The following EZH2 variants were observed in gnomAD, a reference collection of about 807,000 sequenced individuals.
The protein encoded by EZH2 is histone-lysine N-methyltransferase EZH2.
A neutral mutation model predicts 98.4 loss-of-function variants in EZH2; 18 were observed. The ratio of observed to expected loss-of-function variants is 0.18; its 90% CI spans 0.13 to 0.27. EZH2 has a LOEUF of 0.27. EZH2 is among the 10% of genes least tolerant of loss of function. The probability of loss-of-function intolerance (pLI) is 1.00; values close to 1 mark genes in which losing one functional copy is unlikely to be tolerated. For synonymous variants in EZH2, 338 were observed against 312.3 expected, an observed-to-expected ratio of 1.08 and a Z score of -0.87; for missense variants, 470 against 935.1, an observed-to-expected ratio of 0.50 and a Z score of 6.49.
chr7:148,822,110 AT>A (rs1806285360), intron 8 of EZH2, among the ~76,000 whole-genome samples: 2 of 152,156 alleles, frequency 1.3e-5, no homozygotes, highest in South Asian at 4.1e-4. Context: ...TGGATCAAAG[AT>A]TTATGTTTTT....
chr7:148,831,961 A>G (rs779370702), intron 4 of EZH2, among the ~76,000 whole-genome samples: 7 of 152,264 alleles, frequency 4.6e-5, no homozygotes, highest in Non-Finnish European at 7.3e-5. Context: ...ATTTTACACC[A>G]TAATGTACAT....
intron 1 of EZH2, among the ~76,000 whole-genome samples, chr7:148,873,491 C>CA (rs1162280467): frequency 0.11 from 6,215 of 58,158 alleles, 628 homozygotes; most frequent in African/African-American, 0.26. Context: ...GACTCTGTCT[C>CA]AAAAAAAAAA....
At chr7:148,852,766 G>T (rs1029256481) in intron 1 of EZH2, among the ~76,000 whole-genome samples, 2 of 152,118 alleles carry the variant, frequency 1.3e-5, no homozygotes, top group Non-Finnish European at 2.9e-5. Context: ...CCAAATTTCG[G>T]AACTATTCAG....
chr7:148,836,548 G>C lies in EZH2; in HGVS notation c.247-3798C>G, dbSNP rs150317125. The stretch of plus-strand genomic sequence containing the variant: ...CTCATGTCACTCAGAGTAGTGAAAA[G>C]AATTTTTACCTCATGGGTCTCCACA... On this transcript the variant is annotated intron_variant, in intron 3 of 19. Coordinates refer to ENST00000320356, the MANE Select transcript of EZH2 (RefSeq NM_004456.5). Among the ~76,000 whole-genome samples the C allele has an allele frequency of 1.5e-3, 224 of 152,294 alleles. 2 individuals carry two copies. Among genetic ancestry groups the C allele is most frequent in the African/African-American group, 5.2e-3 (216 of 41,566 alleles).
At chr7:148,811,549 C>T in intron 16 of EZH2, 76 bp downstream of exon 16, 1 of 1,166,224 alleles carries the variant, frequency 8.6e-7, no homozygotes, top group South Asian at 1.4e-5. Context: ...CACAGACTTA[C>T]CTAATAAAAT....
At chr7:148,880,820 T>C (rs917170276) in intron 1 of EZH2, among the ~76,000 whole-genome samples, 2 of 152,158 alleles carry the variant, frequency 1.3e-5, no homozygotes, top group African/African-American at 4.8e-5. Context: ...CCAACGTAGG[T>C]ACTAGGTATA....
At chr7:148,870,283 G>GTT (rs1819161009) in intron 1 of EZH2, among the ~76,000 whole-genome samples, 1 of 152,160 alleles carries the variant, frequency 6.6e-6, no homozygotes, top group Admixed American at 6.5e-5. Context: ...CCAAAATGGG[G>GTT]TTTACAAATA....
At chr7:148,835,973 G>T (rs775623898) in intron 3 of EZH2, among the ~76,000 whole-genome samples, 4 of 152,148 alleles carry the variant, frequency 2.6e-5, no homozygotes, top group Non-Finnish European at 4.4e-5. Flanking sequence ...TAAGGCACAG[G>T]CTGCAGCACT....
At chr7:148,867,753 A>G (rs1818750224) in intron 1 of EZH2, among the ~76,000 whole-genome samples, 1 of 152,184 alleles carries the variant, frequency 6.6e-6, no homozygotes, top group Admixed American at 6.5e-5. Context: ...TTTAAATTTA[A>G]GTTCCAGTTT....
At chr7:148,832,479 T>C (rs1219450534) in intron 4 of EZH2, among the ~76,000 whole-genome samples, 155 bp downstream of exon 4, 1 of 152,250 alleles carries the variant, frequency 6.6e-6, no homozygotes, top group African/African-American at 2.4e-5. Flanking sequence ...TTAAAAAAAC[T>C]ACCTTAATCA....
Position 148,809,097 on chromosome 7 carries a change from A to T in EZH2, c.2169T>A (p.Thr723=). The T allele has an allele frequency of 6.2e-7, 1 of 1,614,228 alleles. No homozygotes were observed. The highest frequency in any genetic ancestry group is 1.6e-4 in the Middle Eastern group (1 of 6,062). ...IGIFAKRAIQ[T]GEELFFDYRY... ...TGTAATCAAAAAACAGCTCTTCGCC[A>T]GTCTGGATGGCTCTCTTGGCAAAAA... Residue 723 remains threonine (T), a synonymous_variant, in exon 19 of 20, where the codon ACT becomes ACA. Coordinates refer to ENST00000320356, the MANE Select transcript of EZH2 (RefSeq NM_004456.5).
At chr7:148,839,603 C>G (rs1811909376) in intron 3 of EZH2, among the ~76,000 whole-genome samples, 1 of 151,128 alleles carries the variant, frequency 6.6e-6, no homozygotes, top group Non-Finnish European at 1.5e-5. Context: ...GAGATTGAGT[C>G]TTGTGATCTC....
At chr7:148,818,955 C>A in intron 9 of EZH2, 1 of 433,696 alleles carries the variant, frequency 2.3e-6, no homozygotes, top group African/African-American at 2.0e-5. Flanking sequence ...CTACAAAAAC[C>A]AAATTGCTTA....
intron 9 of EZH2, 152 bp downstream of exon 9, chr7:148,819,444 T>A: frequency 1.6e-6 from 1 of 629,606 alleles, no homozygotes; most frequent in Non-Finnish European, 2.8e-6. Context: ...GTACATGAGC[T>A]ATGGAAGAAA....
intron 1 of EZH2, among the ~76,000 whole-genome samples, chr7:148,863,989 T>C (rs557886270): frequency 6.0e-4 from 92 of 152,316 alleles, no homozygotes; most frequent in African/African-American, 1.2e-3. Context: ...AGTCTCATGA[T>C]AGGGGAAAAT....
chr7:148,822,656 A>T (rs1050803969), intron 8 of EZH2, among the ~76,000 whole-genome samples: 4 of 152,030 alleles, frequency 2.6e-5, no homozygotes, highest in African/African-American at 9.7e-5. Flanking sequence ...CAAGAATAAA[A>T]ATAGGCCAGG....
chr7:148,818,190 T>G, intron 9 of EZH2, 73 bp from the exon 10 acceptor site: 1 of 1,460,608 alleles, frequency 6.8e-7, no homozygotes, highest in Non-Finnish European at 9.2e-7. Context: ...AAAAAAATAC[T>G]ATATAAGCCA....
chr7:148,809,161 A>G lies in EZH2; in HGVS notation c.2111-6T>C, dbSNP rs1802356752. On this transcript the variant is annotated splice_polypyrimidine_tract_variant and splice_region_variant and intron_variant, in intron 18 of 19. Transcript: ENST00000320356. ...ATCACCGTTAACCATCATAACTGCA[A>G]AGAGACACACTGGTGTCAGTGAGCA... 1.2e-6 allele frequency: 2 copies of G among 1,613,990 alleles called. No homozygotes were observed. Among genetic ancestry groups the G allele is most frequent in the Admixed American group, 1.7e-5 (1 of 60,030 alleles).
At chr7:148,834,217 T>C (rs865799174) in intron 3 of EZH2, among the ~76,000 whole-genome samples, 1 of 152,092 alleles carries the variant, frequency 6.6e-6, no homozygotes, top group African/African-American at 2.4e-5. Flanking sequence ...TAAAGAGTAC[T>C]ACTGCCCAGG....
Sources: allele counts gnomAD v4.1 joint callset (sites outside exome capture counted in the v4.1 genomes callset), GRCh38; gene constraint gnomAD v4.1.1; transcripts MANE v1.5; gene names NCBI Gene and HGNC (gene_info 2026-07-23, HGNC 2026-07-21).